The following TM4SF4 variants were observed in gnomAD, a reference collection of about 807,000 sequenced individuals.
TM4SF4 encodes transmembrane 4 L six family member 4.
In TM4SF4, 24 loss-of-function variants were observed where a neutral mutation model predicts 24.1. That is an observed-to-expected ratio of 1.00 (90% CI 0.72 to 1.40). The LOEUF (loss-of-function observed/expected upper bound fraction) is 1.40, where lower values mean the gene tolerates loss of function less well. TM4SF4 is among the 40% of genes most tolerant of loss of function. The pLI, the probability that TM4SF4 is intolerant of heterozygous loss-of-function variation, is 0.00. For missense variants in TM4SF4, 254 were observed against 254.2 expected (o/e 1.00, Z 0.01); for synonymous variants, 113 against 97.0 (o/e 1.17, Z -0.97).
intron 3 of TM4SF4, among the ~76,000 whole-genome samples, chr3:149,492,859 A>G (rs1025169029): frequency 6.6e-6 from 1 of 152,216 alleles, no homozygotes; most frequent in South Asian, 2.1e-4. Flanking sequence ...AGCCACCTTA[A>G]TAGGATGAGA....
At chr3:149,484,117 T>C (rs1734078737) in intron 2 of TM4SF4, among the ~76,000 whole-genome samples, 2 of 152,180 alleles carry the variant, frequency 1.3e-5, no homozygotes, top group Non-Finnish European at 2.9e-5. Flanking sequence ...CATGTTTCTT[T>C]TAATCAATGT....
In TM4SF4 at chr3:149,475,052, G is replaced by T. The variant is rs753014282; in HGVS notation, c.174+1G>T. The T allele has an allele frequency of 3.2e-6, 5 of 1,568,340 alleles. No homozygotes were observed. The South Asian group carries it at 4.4e-5, about 14-fold the overall frequency. On this transcript the variant is annotated splice_donor_variant, in intron 1 of 4. Coordinates refer to ENST00000305354, the MANE Select transcript of TM4SF4 (RefSeq NM_004617.4). LOFTEE classifies it high-confidence loss of function. ...AGGAATATTAGGAAGCGGTGTCTTGGTGAGTAGGGAAGCTTAAAATCCCCC... is the reference window on the plus strand; with the variant it reads ...AGGAATATTAGGAAGCGGTGTCTTGTTGAGTAGGGAAGCTTAAAATCCCCC...
At chr3:149,478,881 A>G (rs1733980346) in intron 2 of TM4SF4, among the ~76,000 whole-genome samples, 1 of 152,156 alleles carries the variant, frequency 6.6e-6, no homozygotes. Context: ...CTCCTGCCTT[A>G]GCCTCCCGAG....
chr3:149,480,662 C>T (rs184728341), intron 2 of TM4SF4, among the ~76,000 whole-genome samples: 1 of 152,100 alleles, frequency 6.6e-6, no homozygotes, highest in Non-Finnish European at 1.5e-5. Flanking sequence ...AGGCCAAAAG[C>T]ATCCCTAATC....
intron 2 of TM4SF4, among the ~76,000 whole-genome samples, chr3:149,480,907 G>A (rs907841536): frequency 1.3e-5 from 2 of 151,954 alleles, no homozygotes; most frequent in Admixed American, 1.3e-4. Context: ...CCGGGCTGGT[G>A]TGCAAGAGGT....
intron 2 of TM4SF4, 143 bp from the exon 3 acceptor site, chr3:149,487,476 C>T (rs1734138530): frequency 2.2e-6 from 2 of 900,810 alleles, no homozygotes. Context: ...TAGAAGACCC[C>T]ACAGGCCCCA....
At chr3:149,488,729 G>C (rs1734162664) in intron 3 of TM4SF4, among the ~76,000 whole-genome samples, 1 of 152,162 alleles carries the variant, frequency 6.6e-6, no homozygotes, top group South Asian at 2.1e-4. Flanking sequence ...AGCTGCACTA[G>C]ACTTTAACCT....
At chr3:149,478,822 G>A (rs1733979269) in intron 2 of TM4SF4, among the ~76,000 whole-genome samples, 1 of 152,180 alleles carries the variant, frequency 6.6e-6, no homozygotes, top group South Asian at 2.1e-4. Context: ...GGAGTGAGAT[G>A]ATGCAATCTC....
chr3:149,477,858 G>A (rs995077614), intron 2 of TM4SF4, among the ~76,000 whole-genome samples: 3 of 152,084 alleles, frequency 2.0e-5, no homozygotes, highest in Admixed American at 1.3e-4. Flanking sequence ...GGGGATAGAA[G>A]TTGGAGATGA....
intron 2 of TM4SF4, among the ~76,000 whole-genome samples, chr3:149,478,790 C>T (rs998607457): frequency 1.3e-5 from 2 of 152,190 alleles, no homozygotes; most frequent in Non-Finnish European, 2.9e-5. Flanking sequence ...GGCGAAGTCT[C>T]GCTCTTGTCC....
At chr3:149,480,242 C>A (rs1734011341) in intron 2 of TM4SF4, among the ~76,000 whole-genome samples, 1 of 152,144 alleles carries the variant, frequency 6.6e-6, no homozygotes, top group South Asian at 2.1e-4. Flanking sequence ...GCATCTCTTG[C>A]CCTCTAATCC....
intron 3 of TM4SF4, chr3:149,495,771 G>A (rs1450122756): frequency 4.4e-6 from 1 of 228,394 alleles, no homozygotes; most frequent in South Asian, 6.3e-5. Context: ...CATCGTTCTA[G>A]TAAGAAGCAG....
intron 2 of TM4SF4, among the ~76,000 whole-genome samples, chr3:149,486,640 G>A (rs569608798): frequency 6.6e-6 from 1 of 152,204 alleles, no homozygotes; most frequent in East Asian, 1.9e-4. Context: ...AACAAAATAT[G>A]GTAGTCTAAT....
At chr3:149,501,239 T>C (rs1734417754) in intron 4 of TM4SF4, among the ~76,000 whole-genome samples, 1 of 152,176 alleles carries the variant, frequency 6.6e-6, no homozygotes, top group African/African-American at 2.4e-5. Flanking sequence ...TGAAAGACAG[T>C]AGATGGACTC....
chr3:149,476,792 G>GTTTTTTTT lies in TM4SF4; in HGVS notation c.264+882_264+889dup, dbSNP rs1222196664. 1.9e-5 allele frequency among the ~76,000 whole-genome samples: 2 copies of GTTTTTTTT among 102,852 alleles called. 1 individual carries two copies. The allele number at this position is 102,852 out of a possible 152,430, so 67.5% of individuals were successfully genotyped here. ...CATAAGTCTTTCTTTTTTCTTTTCT[G>GTTTTTTTT]TTTTTTTTTGTTTTTGTTTTTGTTT... On this transcript the variant is annotated intron_variant, in intron 2 of 4. Transcript: ENST00000305354.
At chr3:149,496,499 C>T (rs1345477272) in intron 3 of TM4SF4, among the ~76,000 whole-genome samples, 2 of 152,160 alleles carry the variant, frequency 1.3e-5, no homozygotes, top group African/African-American at 4.8e-5. Flanking sequence ...AAAGAACAAT[C>T]GGCCAGATGC....
intron 4 of TM4SF4, among the ~76,000 whole-genome samples, chr3:149,502,261 A>C (rs989450718): frequency 6.6e-6 from 1 of 152,172 alleles, no homozygotes; most frequent in Non-Finnish European, 1.5e-5. Flanking sequence ...TAAATGATGC[A>C]TATTGTATAC....
chr3:149,496,313 G>A (rs779781697), intron 3 of TM4SF4, among the ~76,000 whole-genome samples: 9 of 152,130 alleles, frequency 5.9e-5, no homozygotes, highest in South Asian at 4.2e-4. Context: ...GGGCTCAAGC[G>A]ATTCTCCCAC....
chr3:149,502,803 A>G lies in TM4SF4; in HGVS notation c.*110A>G, dbSNP rs1028963263. 1.2e-5 allele frequency: 9 copies of G among 764,246 alleles called. No individual in the cohort carries two copies. Among genetic ancestry groups the G allele is most frequent in the African/African-American group, 8.8e-5 (5 of 56,722 alleles). 47.3% of individuals were successfully genotyped at this position (764,246 alleles called of 1,614,324 possible). ...ATTCCTATCTGCTTCCTAGCTGATA[A>G]AGCTTAGAAAAGGCAGTTATTCCTT... On this transcript the variant is annotated 3_prime_UTR_variant, in exon 5 of 5. Coordinates refer to ENST00000305354, the MANE Select transcript of TM4SF4 (RefSeq NM_004617.4).
Sources: gnomAD v4.1 joint callset for allele counts (sites outside exome capture counted in the v4.1 genomes callset) on GRCh38, gnomAD v4.1.1 for gene constraint, MANE v1.5 for transcripts, NCBI Gene and HGNC (gene_info 2026-07-23, HGNC 2026-07-21) for gene names.